Variants in NEK10 observed in about 807,000 individuals in gnomAD.
The protein encoded by NEK10 is NIMA related kinase 10, also known as serine/threonine-protein kinase Nek10.
NEK10 carries 122 observed loss-of-function variants against 159.8 expected under a neutral mutation model. The ratio of observed to expected loss-of-function variants is 0.76; its 90% CI spans 0.66 to 0.89. The LOEUF (loss-of-function observed/expected upper bound fraction) is 0.89, where lower values mean the gene tolerates loss of function less well. Ranked by LOEUF, NEK10 falls within the 40% of genes least tolerant of loss-of-function variation. The pLI, the probability that NEK10 is intolerant of heterozygous loss-of-function variation, is 0.00. For missense variants in NEK10, 1,342 were observed against 1,323.1 expected, an observed-to-expected ratio of 1.01 and a Z score of -0.22; for synonymous variants, 466 against 457.1, an observed-to-expected ratio of 1.02 and a Z score of -0.25.
intron 26 of NEK10, among the ~76,000 whole-genome samples, chr3:27,176,435 G>A (rs916025440): frequency 1.3e-5 from 2 of 152,202 alleles, no homozygotes; most frequent in African/African-American, 4.8e-5. Flanking sequence ...TCTGGCAAAA[G>A]ATATATGCTA....
At chr3:27,150,810 G>T (rs1258487186) in intron 30 of NEK10, among the ~76,000 whole-genome samples, 1 of 152,070 alleles carries the variant, frequency 6.6e-6, no homozygotes. Context: ...ATGAATCTAG[G>T]CAAAGTCTAT....
intron 23 of NEK10, among the ~76,000 whole-genome samples, chr3:27,214,148 C>T (rs545615941): frequency 1.8e-4 from 27 of 152,322 alleles, no homozygotes; most frequent in African/African-American, 4.8e-4. Flanking sequence ...ATCCCACCCA[C>T]GCCACTTGCT....
chr3:27,336,339 T>C (rs2046799900), intron 5 of NEK10, among the ~76,000 whole-genome samples: 1 of 152,090 alleles, frequency 6.6e-6, no homozygotes. Context: ...AGTAGCAAGA[T>C]TAAATAAGTA....
At chr3:27,330,799 G>A (rs1360837780) in intron 5 of NEK10, among the ~76,000 whole-genome samples, 1 of 152,082 alleles carries the variant, frequency 6.6e-6, no homozygotes, top group Non-Finnish European at 1.5e-5. Flanking sequence ...ACTTTCATAG[G>A]AACAGAAATT....
chr3:27,174,351 A>G (rs1947300078), intron 28 of NEK10, 88 bp downstream of exon 28: 1 of 1,594,090 alleles, frequency 6.3e-7, no homozygotes, highest in Non-Finnish European at 8.5e-7. Context: ...GGTTATGTAT[A>G]TGGTGATATT....
intron 35 of NEK10, among the ~76,000 whole-genome samples, chr3:27,114,552 G>C (rs1468538941): frequency 2.0e-5 from 3 of 152,128 alleles, no homozygotes; most frequent in Non-Finnish European, 4.4e-5. Context: ...GGGAGAAGTA[G>C]AAGAAAAAGG....
At chr3:27,179,420 T>C (rs1312855196) in intron 26 of NEK10, among the ~76,000 whole-genome samples, 1 of 152,206 alleles carries the variant, frequency 6.6e-6, no homozygotes, top group Non-Finnish European at 1.5e-5. Flanking sequence ...AATTAGGGAA[T>C]AAATTGGTCA....
intron 31 of NEK10, among the ~76,000 whole-genome samples, chr3:27,132,322 C>T (rs968534131): frequency 2.6e-5 from 4 of 152,184 alleles, no homozygotes; most frequent in Non-Finnish European, 5.9e-5. Flanking sequence ...GAATGGTGCA[C>T]TTTTATCAGA....
intron 6 of NEK10, 65 bp downstream of exon 6, chr3:27,322,111 AG>A: frequency 1.2e-6 from 1 of 806,938 alleles, no homozygotes; most frequent in Non-Finnish European, 2.0e-6. Flanking sequence ...TTCAAAGAAA[AG>A]CCCACCAGTC....
chr3:27,174,120 C>T (rs76484910), intron 28 of NEK10, among the ~76,000 whole-genome samples: 12 of 152,296 alleles, frequency 7.9e-5, no homozygotes, highest in African/African-American at 2.6e-4. Context: ...CCAACAGGCT[C>T]ATAAAAGGTC....
At chr3:27,143,213 T>C (rs1448655413) in intron 30 of NEK10, among the ~76,000 whole-genome samples, 1 of 152,234 alleles carries the variant, frequency 6.6e-6, no homozygotes, top group Non-Finnish European at 1.5e-5. Context: ...TACTAGACAG[T>C]GTGTAACATG....
intron 23 of NEK10, among the ~76,000 whole-genome samples, chr3:27,234,670 T>C (rs1431287356): frequency 6.6e-6 from 1 of 152,164 alleles, no homozygotes; most frequent in Non-Finnish European, 1.5e-5. Flanking sequence ...ATCAATACTG[T>C]GAAAATGGCC....
At chr3:27,282,003 A>C (rs2042195024) in intron 22 of NEK10, among the ~76,000 whole-genome samples, 1 of 152,248 alleles carries the variant, frequency 6.6e-6, no homozygotes, top group Non-Finnish European at 1.5e-5. Context: ...TGAGAAAAAC[A>C]AAACTACCTA....
At chr3:27,231,784 G>T (rs1244584364) in intron 23 of NEK10, among the ~76,000 whole-genome samples, 1 of 151,516 alleles carries the variant, frequency 6.6e-6, no homozygotes, top group Non-Finnish European at 1.5e-5. Flanking sequence ...AACTCTCCGA[G>T]ATCAAATAAG....
chr3:27,247,217 G>C (rs926164839), intron 23 of NEK10, among the ~76,000 whole-genome samples: 13 of 152,088 alleles, frequency 8.5e-5, no homozygotes, highest in Non-Finnish European at 1.8e-4. Context: ...TTCAAGAAGA[G>C]GTTTTCAATT....
intron 23 of NEK10, among the ~76,000 whole-genome samples, chr3:27,253,751 C>A (rs1955895765): frequency 6.6e-6 from 1 of 152,146 alleles, no homozygotes; most frequent in African/African-American, 2.4e-5. Flanking sequence ...ATCTCTATGG[C>A]ATCCAAATGT....
At chr3:27,347,686 A>G (rs181930850) in intron 3 of NEK10, among the ~76,000 whole-genome samples, 24 of 152,264 alleles carry the variant, frequency 1.6e-4, no homozygotes, top group African/African-American at 5.5e-4. Context: ...CAAAATGTTA[A>G]TAATAAATCT....
chr3:27,269,590 C>G (rs2041175349), intron 22 of NEK10, among the ~76,000 whole-genome samples: 3 of 152,148 alleles, frequency 2.0e-5, no homozygotes, highest in South Asian at 2.1e-4. Flanking sequence ...CACAAATAGA[C>G]TATTGCACAC....
Position 27,162,143 on chromosome 3 carries a change from T to C in NEK10, c.2869+558A>G, listed in dbSNP as rs538227678. On this transcript the variant is annotated intron_variant, in intron 30 of 35. Coordinates refer to ENST00000691995, the MANE Select transcript of NEK10 (RefSeq NM_001394966.1). ...TAGGTGTAGAGTTTACAGAAATACC[T>C]ATGTAAAACATGGTTACTATTTTTT... The C allele has an allele frequency of 4.4e-4, 126 of 284,276 alleles. 1 individual carries two copies. Among genetic ancestry groups the C allele is most frequent in the African/African-American group, 2.5e-3 (116 of 46,450 alleles). The allele number at this position is 284,276 out of a possible 1,614,324, so 17.6% of individuals were successfully genotyped here.
Sources: allele counts gnomAD v4.1 joint callset (sites outside exome capture counted in the v4.1 genomes callset), GRCh38; gene constraint gnomAD v4.1.1; transcripts MANE v1.5; gene names NCBI Gene and HGNC (gene_info 2026-07-23, HGNC 2026-07-21).